MMS22L: variants seen among roughly 807,000 people sequenced by gnomAD.
MMS22L encodes the protein MMS22 like, DNA repair protein.
Under a neutral mutation model 159.1 loss-of-function variants are expected in MMS22L, and 74 were observed. The ratio of observed to expected loss-of-function variants is 0.47; its 90% CI spans 0.39 to 0.56. The LOEUF is 0.56. Among genes scored for constraint, MMS22L ranks in the 20% least tolerant of loss-of-function variants. MMS22L has a pLI of 0.00. For synonymous variants in MMS22L, 517 were observed against 506.9 expected, an observed-to-expected ratio of 1.02 and a Z score of -0.27; for missense variants, 1,351 against 1,422.1, an observed-to-expected ratio of 0.95 and a Z score of 0.80.
chr6:97,255,959 A>G (rs983917857), intron 9 of MMS22L, among the ~76,000 whole-genome samples: 1 of 152,048 alleles, frequency 6.6e-6, no homozygotes, highest in Non-Finnish European at 1.5e-5. Flanking sequence ...CTTTTCTATC[A>G]ATTTTGAACC....
chr6:97,203,163 T>A (rs1807362637), intron 14 of MMS22L, among the ~76,000 whole-genome samples: 1 of 152,232 alleles, frequency 6.6e-6, no homozygotes, highest in African/African-American at 2.4e-5. Flanking sequence ...CTTATCTTGT[T>A]CTTCAAAATT....
At chr6:97,185,905 T>C (rs1805176168) in intron 15 of MMS22L, among the ~76,000 whole-genome samples, 1 of 152,112 alleles carries the variant, frequency 6.6e-6, no homozygotes, top group Admixed American at 6.6e-5. Flanking sequence ...AATGGCCTCT[T>C]CTTAGAAATG....
chr6:97,163,455 C>A (rs538968942), intron 21 of MMS22L, among the ~76,000 whole-genome samples: 1 of 151,890 alleles, frequency 6.6e-6, no homozygotes, highest in African/African-American at 2.4e-5. Flanking sequence ...AAAAAAAAGC[C>A]TTCAACTATA....
At chr6:97,156,380 G>T (rs532781257) in intron 22 of MMS22L, among the ~76,000 whole-genome samples, 2 of 152,302 alleles carry the variant, frequency 1.3e-5, no homozygotes, top group Admixed American at 6.5e-5. Context: ...TTTTAGTCAT[G>T]AAGTCTTTGC....
intron 6 of MMS22L, chr6:97,270,396 T>C (rs1815606069): frequency 2.5e-6 from 1 of 393,920 alleles, no homozygotes. Flanking sequence ...TAAAATATTT[T>C]AACAAAAGAA....
intron 9 of MMS22L, chr6:97,259,437 CAATT>C (rs1200187587): frequency 1.3e-5 from 2 of 152,118 alleles, no homozygotes; most frequent in Non-Finnish European, 2.9e-5. Context: ...GCCATCCAAT[CAATT>C]AGTGGCCTGA....
intron 20 of MMS22L, among the ~76,000 whole-genome samples, chr6:97,167,213 G>A (rs902718670): frequency 1.5e-4 from 23 of 151,830 alleles, no homozygotes; most frequent in South Asian, 4.2e-4. Flanking sequence ...CCTTCATCCC[G>A]ACATCTCCAG....
chr6:97,264,062 A>G (rs536193570), intron 8 of MMS22L: 2 of 152,316 alleles, frequency 1.3e-5, no homozygotes, highest in East Asian at 1.9e-4. Context: ...TCTGTTGTCA[A>G]TACAGTCTCT....
intron 8 of MMS22L, chr6:97,267,655 A>G (rs1190447131): frequency 6.5e-6 from 2 of 305,660 alleles, no homozygotes; most frequent in African/African-American, 2.2e-5. Flanking sequence ...AAAAAAAAAA[A>G]AAAAGAAAAA....
chr6:97,241,995 A>G (rs1244426799), intron 11 of MMS22L, among the ~76,000 whole-genome samples: 1 of 152,148 alleles, frequency 6.6e-6, no homozygotes, highest in Admixed American at 6.5e-5. Flanking sequence ...AATTTTTTAA[A>G]AATTATTGAG....
chr6:97,152,349 ATGT>A (rs1801399987), intron 22 of MMS22L, among the ~76,000 whole-genome samples: 1 of 152,098 alleles, frequency 6.6e-6, no homozygotes, highest in Admixed American at 6.6e-5. Flanking sequence ...TGTATGCAAA[ATGT>A]TGTTTGTGAT....
At chr6:97,161,296 T>G (rs966259107) in intron 22 of MMS22L, among the ~76,000 whole-genome samples, 4 of 152,112 alleles carry the variant, frequency 2.6e-5, no homozygotes, top group Non-Finnish European at 5.9e-5. Context: ...GACTGTCCCT[T>G]TCCCTGATCA....
chr6:97,215,675 A>G (rs1808931912), intron 14 of MMS22L, among the ~76,000 whole-genome samples: 1 of 152,192 alleles, frequency 6.6e-6, no homozygotes, highest in Admixed American at 6.5e-5. Flanking sequence ...ATCAAGCAGT[A>G]AAACTGTGAC....
chr6:97,150,708 T>C (rs1419538265), intron 23 of MMS22L, among the ~76,000 whole-genome samples: 5 of 152,046 alleles, frequency 3.3e-5, no homozygotes, highest in South Asian at 4.1e-4. Context: ...AAATAAACTA[T>C]AAACACTTGA....
At chr6:97,224,089 A>C (rs1042332035) in intron 14 of MMS22L, among the ~76,000 whole-genome samples, 1 of 152,184 alleles carries the variant, frequency 6.6e-6, no homozygotes, top group East Asian at 1.9e-4. Flanking sequence ...TATCAACATA[A>C]ACATCTGATC....
At chr6:97,198,026 G>A (rs1388528954) in intron 14 of MMS22L, among the ~76,000 whole-genome samples, 3 of 152,078 alleles carry the variant, frequency 2.0e-5, no homozygotes, top group Admixed American at 1.3e-4. Context: ...GAGAGATCCT[G>A]TGACTGATTT....
intron 11 of MMS22L, among the ~76,000 whole-genome samples, chr6:97,244,054 C>A (rs1812370598): frequency 6.6e-6 from 1 of 152,152 alleles, no homozygotes; most frequent in African/African-American, 2.4e-5. Flanking sequence ...GTTATGCTAG[C>A]AGTGAAGTTG....
chr6:97,182,131 A>T, intron 15 of MMS22L, 77 bp from the exon 16 acceptor site: 1 of 1,177,970 alleles, frequency 8.5e-7, no homozygotes, highest in Non-Finnish European at 1.2e-6. Context: ...CTGGCCAATT[A>T]TAACAAGTGT....
intron 22 of MMS22L, among the ~76,000 whole-genome samples, chr6:97,160,720 T>C (rs1311693176): frequency 6.6e-6 from 1 of 152,024 alleles, no homozygotes; most frequent in Non-Finnish European, 1.5e-5. Flanking sequence ...TTCTTCTGGT[T>C]CACCTGTTGT....
Sources: gnomAD v4.1 joint callset for allele counts (sites outside exome capture counted in the v4.1 genomes callset) on GRCh38, gnomAD v4.1.1 for gene constraint, MANE v1.5 for transcripts, NCBI Gene and HGNC (gene_info 2026-07-23, HGNC 2026-07-21) for gene names.